PFDN2: variants seen among roughly 807,000 people sequenced by gnomAD.
The protein encoded by PFDN2 is prefoldin subunit 2, also known as prefoldin 2.
A neutral mutation model predicts 18.3 loss-of-function variants in PFDN2; 7 were observed. That is an observed-to-expected ratio of 0.38 (90% CI 0.22 to 0.72). The LOEUF is 0.72. Among genes scored for constraint, PFDN2 ranks in the 30% least tolerant of loss-of-function variants. The pLI, the probability that PFDN2 is intolerant of heterozygous loss-of-function variation, is 0.47. For missense variants in PFDN2, 181 were observed against 199.1 expected (o/e 0.91, Z 0.55); for synonymous variants, 76 against 75.0 (o/e 1.01, Z -0.07).
chr1:161,105,957 A>G (rs1654668805), intron 1 of PFDN2, among the ~76,000 whole-genome samples: 1 of 152,172 alleles, frequency 6.6e-6, no homozygotes, highest in African/African-American at 2.4e-5. Flanking sequence ...GATATAGTTT[A>G]TGTGTCCCCT....
At chr1:161,111,244 T>C (rs1188229503) in intron 1 of PFDN2, among the ~76,000 whole-genome samples, 1 of 152,168 alleles carries the variant, frequency 6.6e-6, no homozygotes, top group Admixed American at 6.5e-5. Context: ...AGTAGCAACA[T>C]AGTAAAGTGG....
At position 161,110,923 on chromosome 1, in the gene PFDN2, T is replaced by C. The variant is rs1017044966; in HGVS notation, c.75+7029A>G. ...GGCATGATATCGGCTCACTGCAACC[T>C]GCACCTCCCAGGTTCAAGCAATTCT... is the stretch of plus-strand genomic sequence containing the variant. On this transcript the variant is annotated intron_variant, in intron 1 of 3. Coordinates refer to ENST00000368010, the MANE Select transcript of PFDN2 (RefSeq NM_012394.4). Among the ~76,000 whole-genome samples the C allele has an allele frequency of 4.9e-5, 7 of 142,522 alleles. No homozygotes were observed. The Admixed American group carries it at 5.4e-4, about 11-fold the overall frequency. The allele number at this position is 142,522 out of a possible 152,430, so 93.5% of individuals were successfully genotyped here.
intron 1 of PFDN2, among the ~76,000 whole-genome samples, chr1:161,106,364 T>C (rs1048461480): frequency 6.6e-6 from 1 of 152,192 alleles, no homozygotes; most frequent in African/African-American, 2.4e-5. Flanking sequence ...AACTGCAACT[T>C]AACTGTAGAC....
Position 161,100,822 on chromosome 1 carries a change from T to C in PFDN2, c.326A>G (p.Gln109Arg). Residue 109 changes from glutamine (Q) to arginine (R), a missense_variant, in exon 4 of 4, where the codon CAG (glutamine) becomes CGG (arginine). Physicochemically the swap from Gln to Arg is conservative, Grantham distance 43. Transcript: ENST00000368010. ...TTCATTTAGTTCTTTTCCCTTTGCC[T>C]GAAGCTGCTGTGTCAGTGTCTCAAT... ...KIIETLTQQL[Q>R]AKGKELNEFR... 1 of 1,613,876 alleles carries C rather than the reference T, an allele frequency of 6.2e-7. No individual in the cohort carries two copies.
intron 1 of PFDN2, among the ~76,000 whole-genome samples, chr1:161,115,260 C>T (rs1045281104): frequency 5.9e-5 from 9 of 152,162 alleles, no homozygotes; most frequent in African/African-American, 1.9e-4. Flanking sequence ...GATGGGGTTT[C>T]GCCATGTTGG....
In PFDN2 at chr1:161,102,101, C is replaced by T; in HGVS notation, c.235G>A (p.Val79Met). The change falls in exon 3 of 4, where the codon GTG (valine) becomes ATG (methionine). Residue 79 changes from valine (V) to methionine (M), a missense_variant. Val to Met is a conservative substitution (Grantham distance 21). Coordinates refer to ENST00000368010, the MANE Select transcript of PFDN2 (RefSeq NM_012394.4). ...KCYRMVGGVL[V>M]ERTVKEVLPA... ...AGCACCTCTTTGACAGTTCGCTCCACCAGCACTCCTCCAACCATGCGGTAG... is the reference window on the plus strand; with the variant it reads ...AGCACCTCTTTGACAGTTCGCTCCATCAGCACTCCTCCAACCATGCGGTAG... 1.9e-6 allele frequency: 3 copies of T among 1,614,222 alleles called. No individual in the cohort carries two copies. Among genetic ancestry groups the T allele is most frequent in the Non-Finnish European group, 2.5e-6 (3 of 1,180,040 alleles).
intron 1 of PFDN2, among the ~76,000 whole-genome samples, chr1:161,107,250 C>T (rs1654696598): frequency 6.6e-6 from 1 of 152,024 alleles, no homozygotes; most frequent in South Asian, 2.1e-4. Context: ...ATGGTGAAAC[C>T]CGGTCTTTAC....
intron 1 of PFDN2, among the ~76,000 whole-genome samples, chr1:161,116,466 A>G (rs969601700): frequency 6.6e-6 from 1 of 151,504 alleles, no homozygotes. Flanking sequence ...GTCAGCCGAG[A>G]TCACGCCACT....
intron 1 of PFDN2, among the ~76,000 whole-genome samples, chr1:161,105,644 G>C (rs1654662781): frequency 6.6e-6 from 1 of 151,854 alleles, no homozygotes; most frequent in Admixed American, 6.6e-5. Flanking sequence ...TTTTAGTAGA[G>C]ATGGGGGTTC....
rs373083253 is a variant in PFDN2 at position 161,100,653 on chromosome 1, G to C, written c.*30C>G. 8 of 1,441,950 alleles carry C rather than the reference G, an allele frequency of 5.5e-6. No individual in the cohort carries two copies. Among genetic ancestry groups the C allele is most frequent in the African/African-American group, 2.8e-5 (2 of 70,232 alleles). 89.3% of individuals were successfully genotyped at this position (1,441,950 alleles called of 1,614,324 possible). ...AAAGAGAAATTAGAAGTGGGAGTCA[G>C]GGTAGAAAAAAATGCAAAGGCCTTG... is the stretch of plus-strand genomic sequence containing the variant. On this transcript the variant is annotated 3_prime_UTR_variant, in exon 4 of 4. Coordinates refer to ENST00000368010, the MANE Select transcript of PFDN2 (RefSeq NM_012394.4).
chr1:161,116,986 G>A (rs868283947), intron 1 of PFDN2, among the ~76,000 whole-genome samples: 32 of 152,336 alleles, frequency 2.1e-4, no homozygotes, highest in Middle Eastern at 3.4e-3. Flanking sequence ...TGTAATCCCA[G>A]TACTTTGGGA....
intron 1 of PFDN2, among the ~76,000 whole-genome samples, chr1:161,108,087 C>T (rs1056741613): frequency 1.0e-4 from 15 of 149,098 alleles, no homozygotes; most frequent in African/African-American, 3.2e-4. Flanking sequence ...TGCACTCCAA[C>T]CTAGGCAACA....
At chr1:161,105,819 G>A (rs968648928) in intron 1 of PFDN2, among the ~76,000 whole-genome samples, 5 of 151,872 alleles carry the variant, frequency 3.3e-5, no homozygotes, top group African/African-American at 1.2e-4. Context: ...ATTTCCTCTT[G>A]TTCCATTTTA....
At chr1:161,108,623 A>G (rs1011647068) in intron 1 of PFDN2, among the ~76,000 whole-genome samples, 2 of 152,100 alleles carry the variant, frequency 1.3e-5, no homozygotes, top group African/African-American at 2.4e-5. Flanking sequence ...ATTTACAGCC[A>G]CTTTTCTTGA....
chr1:161,116,978 T>C (rs1247451209), intron 1 of PFDN2, among the ~76,000 whole-genome samples: 5 of 152,258 alleles, frequency 3.3e-5, no homozygotes, highest in Non-Finnish European at 7.3e-5. Context: ...CTCACGCCTG[T>C]AATCCCAGTA....
chr1:161,100,936 G>A (rs1307824135), intron 3 of PFDN2, 77 bp from the exon 4 acceptor site: 3 of 1,109,968 alleles, frequency 2.7e-6, no homozygotes, highest in Non-Finnish European at 1.3e-6. Context: ...ATGGTTGGAG[G>A]AAGTGTTAAC....
chr1:161,117,541 T>C (rs935984151), intron 1 of PFDN2, among the ~76,000 whole-genome samples: 3 of 152,310 alleles, frequency 2.0e-5, no homozygotes, highest in South Asian at 2.1e-4. Context: ...ACGGCGATTG[T>C]CAACGTGGGT....
intron 3 of PFDN2, among the ~76,000 whole-genome samples, chr1:161,101,839 G>A (rs1029977944): frequency 2.0e-5 from 3 of 152,108 alleles, no homozygotes; most frequent in South Asian, 2.1e-4. Flanking sequence ...CTGAAGCCTC[G>A]ACATTTTAGG....
chr1:161,113,317 A>G (rs1189789986), intron 1 of PFDN2, among the ~76,000 whole-genome samples: 1 of 152,178 alleles, frequency 6.6e-6, no homozygotes, highest in African/African-American at 2.4e-5. Flanking sequence ...CCTCTAACAT[A>G]ATCATGGCAT....
Sources: allele counts gnomAD v4.1 joint callset (sites outside exome capture counted in the v4.1 genomes callset), GRCh38; gene constraint gnomAD v4.1.1; transcripts MANE v1.5; gene names NCBI Gene and HGNC (gene_info 2026-07-23, HGNC 2026-07-21).